DUSP16: variants seen among roughly 807,000 people sequenced by gnomAD.
DUSP16 encodes the protein dual specificity protein phosphatase 16.
In DUSP16, 21 loss-of-function variants were observed where a neutral mutation model predicts 58.3. The observed-to-expected ratio is 0.36, with a 90% CI of 0.26 to 0.52. DUSP16 has a LOEUF of 0.52. DUSP16 is among the 20% of genes least tolerant of loss of function. DUSP16 has a pLI of 0.94. For synonymous variants in DUSP16, 320 were observed against 323.8 expected (o/e 0.99, Z 0.12); for missense variants, 726 against 819.0 (o/e 0.89, Z 1.39).
intron 1 of DUSP16, among the ~76,000 whole-genome samples, chr12:12,544,391 G>C (rs1376802851): frequency 6.6e-6 from 1 of 152,078 alleles, no homozygotes; most frequent in Non-Finnish European, 1.5e-5. Flanking sequence ...TTCCAGCTTG[G>C]AGTTATTATG....
At chr12:12,522,869 G>A (rs758044453) in intron 1 of DUSP16, among the ~76,000 whole-genome samples, 1 of 151,942 alleles carries the variant, frequency 6.6e-6, no homozygotes, top group African/African-American at 2.4e-5. Flanking sequence ...CAGCCTAGAG[G>A]GTAAATATTT....
At chr12:12,521,919 G>A (rs752983852) in intron 1 of DUSP16, among the ~76,000 whole-genome samples, 13 of 152,126 alleles carry the variant, frequency 8.5e-5, no homozygotes, top group Non-Finnish European at 1.8e-4. Flanking sequence ...TTCTGAAATG[G>A]CTTGAGAATT....
intron 1 of DUSP16, among the ~76,000 whole-genome samples, chr12:12,541,900 AAATT>A (rs1180509289): frequency 6.7e-6 from 1 of 150,050 alleles, no homozygotes; most frequent in Non-Finnish European, 1.5e-5. Flanking sequence ...ACAGCCAAAA[AAATT>A]AATCAACTGA....
chr12:12,489,327 A>G (rs907868616), intron 4 of DUSP16, among the ~76,000 whole-genome samples: 7 of 152,184 alleles, frequency 4.6e-5, no homozygotes, highest in South Asian at 2.1e-4. Context: ...TTGTACATGT[A>G]GCAAAGGTTA....
chr12:12,502,127 T>A (rs772376457), intron 3 of DUSP16, among the ~76,000 whole-genome samples: 26 of 152,378 alleles, frequency 1.7e-4, no homozygotes, highest in African/African-American at 6.0e-4. Flanking sequence ...AGTTATATTG[T>A]ATTAGACTTT....
intron 3 of DUSP16, among the ~76,000 whole-genome samples, chr12:12,509,082 C>T (rs527544847): frequency 2.4e-4 from 36 of 152,234 alleles, no homozygotes; most frequent in Admixed American, 1.9e-3. Context: ...CCCAGAAAAA[C>T]TCCTCTTAAA....
chr12:12,546,051 A>T (rs1944637198), intron 1 of DUSP16, among the ~76,000 whole-genome samples: 1 of 152,212 alleles, frequency 6.6e-6, no homozygotes, highest in Admixed American at 6.5e-5. Flanking sequence ...TAGAAACCCA[A>T]ATGAAATTAC....
rs2136280785 is a variant in DUSP16 at position 12,562,814 on chromosome 12, C to T, written c.-1063G>A. ...AGCGCGGCTCCGCGCCTCGTTCCGG[C>T]CGCTCGGGGAGGGGTCAGGTCATGT... On this transcript the variant is annotated 5_prime_UTR_variant, in exon 1 of 7. Coordinates refer to ENST00000298573, the MANE Select transcript of DUSP16 (RefSeq NM_030640.3). Among the ~76,000 whole-genome samples, 1 of 151,780 alleles carries T rather than the reference C, an allele frequency of 6.6e-6. No individual in the cohort carries two copies. The highest frequency in any genetic ancestry group is 2.1e-4 in the South Asian group (1 of 4,828).
At chr12:12,528,844 G>C (rs1393878333) in intron 1 of DUSP16, among the ~76,000 whole-genome samples, 1 of 151,990 alleles carries the variant, frequency 6.6e-6, no homozygotes, top group African/African-American at 2.4e-5. Flanking sequence ...AATAGAGCAA[G>C]AGCAAAGGGT....
At chr12:12,555,633 A>G (rs1162096687) in intron 1 of DUSP16, among the ~76,000 whole-genome samples, 1 of 152,224 alleles carries the variant, frequency 6.6e-6, no homozygotes, top group Non-Finnish European at 1.5e-5. Context: ...CAACATACAT[A>G]GACATTAAAA....
intron 4 of DUSP16, among the ~76,000 whole-genome samples, chr12:12,492,588 C>T (rs1378387152): frequency 6.6e-6 from 1 of 152,028 alleles, no homozygotes; most frequent in Non-Finnish European, 1.5e-5. Flanking sequence ...ATTATTTCTC[C>T]CACCTTAAAA....
At chr12:12,542,900 G>A (rs895789739) in intron 1 of DUSP16, among the ~76,000 whole-genome samples, 1 of 152,042 alleles carries the variant, frequency 6.6e-6, no homozygotes, top group African/African-American at 2.4e-5. Context: ...TCATGAGGTG[G>A]AGCCCTCATG....
At chr12:12,504,386 C>T (rs528092423) in intron 3 of DUSP16, among the ~76,000 whole-genome samples, 1 of 151,986 alleles carries the variant, frequency 6.6e-6, no homozygotes, top group South Asian at 2.1e-4. Context: ...CTCAGCTTCC[C>T]GAGTAGCCAG....
At chr12:12,487,712 A>G (rs1440772042) in intron 4 of DUSP16, among the ~76,000 whole-genome samples, 1 of 152,030 alleles carries the variant, frequency 6.6e-6, no homozygotes, top group African/African-American at 2.4e-5. Context: ...CCAACTACCT[A>G]CTGACTATCA....
intron 1 of DUSP16, among the ~76,000 whole-genome samples, chr12:12,532,704 T>C (rs571061723): frequency 6.6e-6 from 1 of 152,236 alleles, no homozygotes; most frequent in South Asian, 2.1e-4. Flanking sequence ...TCCTAGCACT[T>C]TGGGAGGCCA....
rs573040292 is a variant in DUSP16 at position 12,482,217 on chromosome 12, C to T, written c.692-1871G>A. Among the ~76,000 whole-genome samples the T allele has an allele frequency of 1.5e-3, 227 of 152,102 alleles. 1 individual carries two copies. Among genetic ancestry groups the T allele is most frequent in the African/African-American group, 5.0e-3 (208 of 41,482 alleles). On this transcript the variant is annotated intron_variant, in intron 5 of 6. Transcript: ENST00000298573. ...TCTAACAATCCCCCAAAAGACTTAA[C>T]GCTAGGCACATGGTAGGCATCCAGC... is the stretch of plus-strand genomic sequence containing the variant.
At chr12:12,519,107 C>A (rs1944193704) in intron 3 of DUSP16, among the ~76,000 whole-genome samples, 1 of 152,184 alleles carries the variant, frequency 6.6e-6, no homozygotes, top group Non-Finnish European at 1.5e-5. Context: ...TATGAGCCCA[C>A]AGGGCAAGGG....
Position 12,477,679 on chromosome 12 carries a change from G to C in DUSP16, c.1152C>G (p.His384Gln). ...TGTCTTCCAGCCTGTCTGCGGACAGGTGCAGCCCACTGAGCGCCTGTACCA... is the reference window on the plus strand; with the variant it reads ...TGTCTTCCAGCCTGTCTGCGGACAGCTGCAGCCCACTGAGCGCCTGTACCA... ...SPLVQALSGL[H>Q]LSADRLEDSN... The change falls in exon 7 of 7, where the codon CAC becomes CAG. Residue 384 changes from histidine (H) to glutamine (Q), a missense_variant. Transcript: ENST00000298573. The surrounding 1 kb of genome is among the most constrained non-coding windows in gnomAD (Gnocchi z 4.1). The C allele has an allele frequency of 6.2e-7, 1 of 1,613,872 alleles. No homozygotes were observed. Among genetic ancestry groups the C allele is most frequent in the Middle Eastern group, 1.6e-4 (1 of 6,062 alleles).
chr12:12,524,334 G>A (rs1944273610), intron 1 of DUSP16, among the ~76,000 whole-genome samples: 2 of 152,156 alleles, frequency 1.3e-5, no homozygotes, highest in Admixed American at 1.3e-4. Flanking sequence ...CTGTACTGAG[G>A]CCAGCTGGAG....
Sources: gnomAD v4.1 joint callset for allele counts (sites outside exome capture counted in the v4.1 genomes callset) on GRCh38, gnomAD v4.1.1 for gene constraint, Gnocchi (gnomAD v3.1) non-coding constraint, MANE v1.5 for transcripts, NCBI Gene and HGNC (gene_info 2026-07-23, HGNC 2026-07-21) for gene names.